Variants in ZC3H15 observed in about 807,000 individuals in gnomAD.
ZC3H15 encodes zinc finger CCCH domain-containing protein 15.
In ZC3H15, 15 loss-of-function variants were observed where a neutral mutation model predicts 51.2. That is an observed-to-expected ratio of 0.29 (90% CI 0.20 to 0.45). The LOEUF (loss-of-function observed/expected upper bound fraction) is 0.45, where lower values mean the gene tolerates loss of function less well. ZC3H15 is among the 20% of genes least tolerant of loss of function. ZC3H15 has a pLI of 1.00. For missense variants in ZC3H15, 381 were observed against 494.7 expected, an observed-to-expected ratio of 0.77 and a Z score of 2.18; for synonymous variants, 144 against 162.8, an observed-to-expected ratio of 0.88 and a Z score of 0.88.
At chr2:186,505,693 A>T in intron 7 of ZC3H15, 47 bp from the exon 8 acceptor site, 30 of 1,606,684 alleles carry the variant, frequency 1.9e-5, no homozygotes, top group Non-Finnish European at 2.6e-5. Flanking sequence ...GTGACAAGGA[A>T]TGTTTAGATT....
chr2:186,492,674 CATT>C (rs1400227161), intron 1 of ZC3H15, among the ~76,000 whole-genome samples: 3 of 152,260 alleles, frequency 2.0e-5, no homozygotes, highest in Non-Finnish European at 4.4e-5. Flanking sequence ...TTGCTGTAAA[CATT>C]ATGTCATGTT....
rs376370244 is a variant in ZC3H15 at position 186,502,560 on chromosome 2, G to C, written c.507G>C (p.Ala169=). Residue 169 remains alanine, a synonymous_variant, in exon 5 of 10, where the codon GCG becomes GCC. Coordinates refer to ENST00000337859, the MANE Select transcript of ZC3H15 (RefSeq NM_018471.3). ...EEVVNKKHGE[A]EKKKPKTQIV... ...TAGTGAACAAGAAGCACGGTGAGGC[G>C]GAAAAGAAAAAACCAAAAACTCAAA... 1 of 1,612,044 alleles carries C rather than the reference G, an allele frequency of 6.2e-7. No individual in the cohort carries two copies. Among genetic ancestry groups the C allele is most frequent in the Non-Finnish European group, 8.5e-7 (1 of 1,178,986 alleles).
intron 3 of ZC3H15, 115 bp from the exon 4 acceptor site, chr2:186,501,158 C>G: frequency 2.6e-6 from 3 of 1,137,106 alleles, no homozygotes; most frequent in Non-Finnish European, 2.4e-6. Context: ...TGCCGTTTTC[C>G]TCTCACATCA....
intron 2 of ZC3H15, among the ~76,000 whole-genome samples, chr2:186,498,805 T>C (rs1685329637): frequency 6.6e-6 from 1 of 152,212 alleles, no homozygotes; most frequent in Admixed American, 6.5e-5. Context: ...GCCACTTTTT[T>C]ATGCTCTCCT....
intron 2 of ZC3H15, among the ~76,000 whole-genome samples, chr2:186,498,097 G>T (rs921423010): frequency 2.6e-5 from 4 of 152,154 alleles, no homozygotes; most frequent in African/African-American, 9.7e-5. Flanking sequence ...TCTCCACCAT[G>T]CCCATCTCTG....
rs1685431541 is a variant in ZC3H15, at chr2:186,504,219, C to CTGG, written c.717+7_717+9dup. On this transcript the variant is annotated splice_donor_region_variant and intron_variant, in intron 6 of 9. Transcript: ENST00000337859. Reference sequence around the variant, plus strand: ...GAAGATCTAATTGAGAGAGAGGTAACTGGTATCCTTTTCCTACCATAAAAA... The same window carrying CTGG: ...GAAGATCTAATTGAGAGAGAGGTAACTGGTGGTATCCTTTTCCTACCATAAAAA... The CTGG allele has an allele frequency of 6.4e-7, 1 of 1,560,792 alleles. No homozygotes were observed. Among genetic ancestry groups the CTGG allele is most frequent in the African/African-American group, 1.4e-5 (1 of 72,644 alleles).
chr2:186,491,779 G>A (rs1685203813), intron 1 of ZC3H15, among the ~76,000 whole-genome samples: 1 of 152,008 alleles, frequency 6.6e-6, no homozygotes, highest in Non-Finnish European at 1.5e-5. Context: ...ATTCAATAAA[G>A]TATATATTCA....
At chr2:186,497,127 T>C (rs752062561) in intron 2 of ZC3H15, 4 of 444,810 alleles carry the variant, frequency 9.0e-6, no homozygotes, top group Non-Finnish European at 1.8e-5. Context: ...TCTTTATTTT[T>C]AAAGTACATT....
At chr2:186,488,400 G>A (rs1685139933) in intron 1 of ZC3H15, among the ~76,000 whole-genome samples, 1 of 152,076 alleles carries the variant, frequency 6.6e-6, no homozygotes, top group South Asian at 2.1e-4. Context: ...ACCACTCTAG[G>A]AACTCATATA....
At chr2:186,503,956 G>A (rs1685427190) in intron 5 of ZC3H15, 76 bp from the exon 6 acceptor site, 2 of 1,224,886 alleles carry the variant, frequency 1.6e-6, no homozygotes, top group Admixed American at 2.7e-5. Context: ...GTGTATACTT[G>A]TTCCATATAC....
intron 1 of ZC3H15, among the ~76,000 whole-genome samples, chr2:186,490,274 A>G (rs913022223): frequency 1.3e-5 from 2 of 152,208 alleles, no homozygotes; most frequent in African/African-American, 4.8e-5. Context: ...TTAGTGACAA[A>G]TGGAGTCAGT....
intron 2 of ZC3H15, chr2:186,497,023 GT>G: frequency 2.9e-6 from 1 of 343,662 alleles, no homozygotes; most frequent in Non-Finnish European, 5.6e-6. Flanking sequence ...TTTAAAATGA[GT>G]TTATCCATTG....
At chr2:186,493,640 C>T (rs2197139) in intron 1 of ZC3H15, among the ~76,000 whole-genome samples, 40,999 of 151,708 alleles carry the variant, frequency 0.27, 5,800 homozygotes, top group Non-Finnish European at 0.3. Context: ...TTTATTCTCT[C>T]AGAGATCTGG....
At chr2:186,500,437 T>C in intron 3 of ZC3H15, 144 bp downstream of exon 3, 3 of 749,318 alleles carry the variant, frequency 4.0e-6, no homozygotes, top group Non-Finnish European at 6.6e-6. Context: ...CCTATGTCAG[T>C]GGGTTGCTTA....
chr2:186,495,446 C>A, intron 2 of ZC3H15, 112 bp downstream of exon 2: 1 of 781,304 alleles, frequency 1.3e-6, no homozygotes, highest in Non-Finnish European at 1.8e-6. Context: ...CAGAATCCTA[C>A]TTGAAATGTT....
chr2:186,501,859 G>A (rs1397624153), intron 4 of ZC3H15, among the ~76,000 whole-genome samples: 2 of 151,812 alleles, frequency 1.3e-5, no homozygotes, highest in Non-Finnish European at 2.9e-5. Flanking sequence ...CTACAGGGTC[G>A]TGCCGCCACG....
Position 186,501,445 on chromosome 2 carries a change from T to A in ZC3H15, c.442+20T>A, listed in dbSNP as rs764173339. The A allele has an allele frequency of 3.1e-6, 5 of 1,596,988 alleles. No homozygotes were observed. Among genetic ancestry groups the A allele is most frequent in the Admixed American group, 3.5e-5 (2 of 57,338 alleles). On this transcript the variant is annotated intron_variant, in intron 4 of 9. Coordinates refer to ENST00000337859, the MANE Select transcript of ZC3H15 (RefSeq NM_018471.3). The stretch of plus-strand genomic sequence containing the variant: ...AAAAAGGTAATTTTTTTAAAAACAC[T>A]CTCTTAAAAATAAATGTTGAATACT...
intron 1 of ZC3H15, chr2:186,488,908 A>C (rs1427480335): frequency 6.5e-6 from 1 of 154,448 alleles, no homozygotes; most frequent in East Asian, 1.9e-4. Flanking sequence ...ATATGCTTGC[A>C]TTTTGCTTTC....
rs1574423427 is a variant in ZC3H15 at position 186,495,447 on chromosome 2, T to C, written c.177+113T>C. The C allele has an allele frequency of 6.5e-6, 5 of 768,412 alleles. 1 individual carries two copies. The highest frequency in any genetic ancestry group is 6.9e-5 in the South Asian group (2 of 29,154). 47.6% of individuals were successfully genotyped at this position (768,412 alleles called of 1,614,324 possible). ...ATTGTATTTCAAAACAGAATCCTAC[T>C]TGAAATGTTTTTGCACCTTGGCCTT... On this transcript the variant is annotated intron_variant, in intron 2 of 9. Coordinates refer to ENST00000337859, the MANE Select transcript of ZC3H15 (RefSeq NM_018471.3).
Sources: gnomAD v4.1 joint callset for allele counts (sites outside exome capture counted in the v4.1 genomes callset) on GRCh38, gnomAD v4.1.1 for gene constraint, MANE v1.5 for transcripts, NCBI Gene and HGNC (gene_info 2026-07-23, HGNC 2026-07-21) for gene names.